TENM2: variants seen among roughly 807,000 people sequenced by gnomAD.
TENM2 encodes teneurin-2.
TENM2 carries 52 observed loss-of-function variants against 245.2 expected under a neutral mutation model. That is an observed-to-expected ratio of 0.21 (90% CI 0.17 to 0.27). The LOEUF is 0.27. Among genes scored for constraint, TENM2 ranks in the 10% least tolerant of loss-of-function variants. TENM2 has a pLI of 1.00. For synonymous variants in TENM2, 1,363 were observed against 1,438.9 expected, an observed-to-expected ratio of 0.95 and a Z score of 1.19; for missense variants, 3,046 against 3,666.8, an observed-to-expected ratio of 0.83 and a Z score of 4.37.
At chr5:167,997,726 A>G (rs933926411) in intron 5 of TENM2, among the ~76,000 whole-genome samples, 2 of 152,174 alleles carry the variant, frequency 1.3e-5, no homozygotes, top group Non-Finnish European at 2.9e-5. Flanking sequence ...AATTTCAGCC[A>G]TTAGAATGTA....
chr5:167,625,368 A>C (rs1364435581), intron 2 of TENM2, among the ~76,000 whole-genome samples: 2 of 152,062 alleles, frequency 1.3e-5, no homozygotes, highest in Non-Finnish European at 1.5e-5. Flanking sequence ...TTTTCAGTTC[A>C]TGTTTACCTT....
chr5:168,100,305 C>G (rs1284508282), intron 9 of TENM2, among the ~76,000 whole-genome samples: 1 of 152,094 alleles, frequency 6.6e-6, no homozygotes, highest in Non-Finnish European at 1.5e-5. Context: ...TTAGTTCAAC[C>G]ATTGTGGAAG....
At chr5:167,536,892 C>T (rs537195182) in intron 2 of TENM2, among the ~76,000 whole-genome samples, 3 of 151,950 alleles carry the variant, frequency 2.0e-5, no homozygotes, top group East Asian at 1.9e-4. Flanking sequence ...GTAATGGTGG[C>T]GGGTGCCTGT....
At chr5:168,154,995 G>A (rs993178615) in intron 12 of TENM2, among the ~76,000 whole-genome samples, 3 of 152,198 alleles carry the variant, frequency 2.0e-5, no homozygotes, top group Non-Finnish European at 4.4e-5. Flanking sequence ...CGCCATTTGT[G>A]CCTAGAAACA....
chr5:167,856,345 TA>T (rs1452621927), intron 2 of TENM2, among the ~76,000 whole-genome samples: 2 of 152,198 alleles, frequency 1.3e-5, no homozygotes, highest in Non-Finnish European at 2.9e-5. Context: ...AAAGCAGTTG[TA>T]AAAGCAAAAT....
chr5:166,990,762 C>T, the TENM2 span, among the ~76,000 whole-genome samples: 1 of 152,118 alleles, frequency 6.6e-6, no homozygotes, highest in South Asian at 2.1e-4. Flanking sequence ...TTTTACTTTT[C>T]TGTTAAATAG....
rs551540101 is a variant in TENM2 at position 167,905,277 on chromosome 5, G to A, written c.712+29082G>A. ...CAACTTTCAACCTCATCGTTTTGTG[G>A]CTGGGAAAAGGGGGAAATAGGCACT... is the stretch of plus-strand genomic sequence containing the variant. On this transcript the variant is annotated intron_variant, in intron 3 of 28. Transcript: ENST00000518659. Among the ~76,000 whole-genome samples, 25 of 152,268 alleles carry A rather than the reference G, an allele frequency of 1.6e-4. 1 individual carries two copies. The South Asian group carries it at 5.2e-3, about 32-fold the overall frequency.
At chr5:167,852,573 T>C (rs961897631) in intron 2 of TENM2, among the ~76,000 whole-genome samples, 2 of 152,244 alleles carry the variant, frequency 1.3e-5, no homozygotes, top group African/African-American at 4.8e-5. Flanking sequence ...TTTAGTAGTT[T>C]TAACATTTGA....
At chr5:167,920,265 G>T (rs1777250683) in intron 3 of TENM2, among the ~76,000 whole-genome samples, 1 of 151,132 alleles carries the variant, frequency 6.6e-6, no homozygotes, top group African/African-American at 2.5e-5. Flanking sequence ...GCCGAGGAGG[G>T]TGGATCATCT....
At chr5:167,188,433 T>C in the TENM2 span, among the ~76,000 whole-genome samples, 1 of 152,198 alleles carries the variant, frequency 6.6e-6, no homozygotes, top group African/African-American at 2.4e-5. Flanking sequence ...CACTTAACTT[T>C]GTATTTCCTT....
intron 2 of TENM2, among the ~76,000 whole-genome samples, chr5:167,405,334 A>C (rs922377497): frequency 2.6e-5 from 4 of 152,000 alleles, no homozygotes; most frequent in Admixed American, 6.6e-5. Context: ...TCTGCTGCTG[A>C]TAAGCAATGG....
chr5:167,904,448 G>A (rs905801557), intron 3 of TENM2, among the ~76,000 whole-genome samples: 8 of 152,134 alleles, frequency 5.3e-5, no homozygotes, highest in Non-Finnish European at 8.8e-5. Flanking sequence ...AACTAGCAAA[G>A]TAATTTAATA....
At chr5:167,777,917 A>T (rs949725650) in intron 2 of TENM2, among the ~76,000 whole-genome samples, 9 of 152,196 alleles carry the variant, frequency 5.9e-5, no homozygotes, top group African/African-American at 2.2e-4. Flanking sequence ...ATTATAGTCC[A>T]TGAGCCATCT....
chr5:167,380,462 G>A (rs34932310), intron 2 of TENM2, among the ~76,000 whole-genome samples: 5,151 of 152,226 alleles, frequency 0.034, 120 homozygotes, highest in Non-Finnish European at 0.056. Context: ...TTCAAGGAGC[G>A]TAGGAGCCTG....
chr5:167,992,834 A>C, intron 4 of TENM2, 110 bp from the exon 7 acceptor site: 1 of 750,996 alleles, frequency 1.3e-6, no homozygotes, highest in Non-Finnish European at 2.3e-6. Flanking sequence ...GGGTAAGCTT[A>C]GTTAACTAGG....
At chr5:168,153,599 A>G (rs1282165501) in intron 12 of TENM2, among the ~76,000 whole-genome samples, 1 of 152,246 alleles carries the variant, frequency 6.6e-6, no homozygotes, top group African/African-American at 2.4e-5. Flanking sequence ...CAAATGTGAC[A>G]TGAGAAGAGA....
Position 167,714,090 on chromosome 5 carries a change from G to A in TENM2, c.503-161896G>A, listed in dbSNP as rs148269803. ...TCAGCCTTGCCTTCTGACTCAGGCTGTTCATGTTGTAATAAGTGAGGGACA... is the reference window on the plus strand; with the variant it reads ...TCAGCCTTGCCTTCTGACTCAGGCTATTCATGTTGTAATAAGTGAGGGACA... On this transcript the variant is annotated intron_variant, in intron 2 of 28. Transcript: ENST00000518659. Among the ~76,000 whole-genome samples the A allele has an allele frequency of 5.3e-5, 8 of 152,280 alleles. No individual in the cohort carries two copies. The East Asian group carries it at 1.5e-3, about 30-fold the overall frequency.
chr5:167,559,101 A>G (rs1157134349), intron 2 of TENM2, among the ~76,000 whole-genome samples: 1 of 152,198 alleles, frequency 6.6e-6, no homozygotes, highest in Non-Finnish European at 1.5e-5. Flanking sequence ...TGTGCAATGC[A>G]GTTTGAATGG....
chr5:168,106,799 G>A (rs1351312855), intron 9 of TENM2, among the ~76,000 whole-genome samples: 7 of 152,200 alleles, frequency 4.6e-5, no homozygotes, highest in Admixed American at 3.9e-4. Context: ...AGTGGCTCAC[G>A]CCTGTAATCC....
Sources: gnomAD v4.1 joint callset for allele counts (sites outside exome capture counted in the v4.1 genomes callset) on GRCh38, gnomAD v4.1.1 for gene constraint, MANE v1.5 for transcripts, NCBI Gene and HGNC (gene_info 2026-07-23, HGNC 2026-07-21) for gene names.